ITPR2: variants seen among roughly 807,000 people sequenced by gnomAD.
The protein encoded by ITPR2 is inositol 1,4,5-trisphosphate-gated calcium channel ITPR2.
ITPR2 carries 207 observed loss-of-function variants against 317.1 expected under a neutral mutation model. The ratio of observed to expected loss-of-function variants is 0.65; its 90% CI spans 0.58 to 0.73. ITPR2 has a LOEUF of 0.73. Ranked by LOEUF, ITPR2 falls within the 30% of genes least tolerant of loss-of-function variation. The pLI, the probability that ITPR2 is intolerant of heterozygous loss-of-function variation, is 0.00. For missense variants in ITPR2, 2,613 were observed against 3,284.0 expected, an observed-to-expected ratio of 0.80 and a Z score of 4.99; for synonymous variants, 1,156 against 1,149.1, an observed-to-expected ratio of 1.01 and a Z score of -0.12.
At chr12:26,397,095 A>G (rs1315954163) in intron 54 of ITPR2, among the ~76,000 whole-genome samples, 1 of 141,140 alleles carries the variant, frequency 7.1e-6, no homozygotes, top group Non-Finnish European at 1.5e-5. Flanking sequence ...CTCTAAAGCA[A>G]AAAAAAAAAA....
At chr12:26,547,011 A>G (rs531246741) in intron 37 of ITPR2, among the ~76,000 whole-genome samples, 5 of 152,346 alleles carry the variant, frequency 3.3e-5, no homozygotes, top group Non-Finnish European at 7.4e-5. Flanking sequence ...TATGGCTAAG[A>G]TCTGAAAAGC....
chr12:26,520,653 G>C (rs1943638307), intron 37 of ITPR2, among the ~76,000 whole-genome samples: 1 of 152,132 alleles, frequency 6.6e-6, no homozygotes, highest in Admixed American at 6.6e-5. Context: ...CTATCTTTGT[G>C]ACACTTTAGT....
At chr12:26,518,744 C>A (rs1943593813) in intron 37 of ITPR2, among the ~76,000 whole-genome samples, 1 of 151,826 alleles carries the variant, frequency 6.6e-6, no homozygotes, top group South Asian at 2.1e-4. Flanking sequence ...TAAAATTTAA[C>A]AATTTTTTAA....
intron 5 of ITPR2, among the ~76,000 whole-genome samples, chr12:26,717,260 A>G (rs937687072): frequency 6.6e-6 from 1 of 152,262 alleles, no homozygotes; most frequent in Non-Finnish European, 1.5e-5. Context: ...ATGAATAAAC[A>G]GAACTTCTCC....
At chr12:26,411,056 T>C (rs2291469) in intron 52 of ITPR2, among the ~76,000 whole-genome samples, 1 of 152,248 alleles carries the variant, frequency 6.6e-6, no homozygotes, top group East Asian at 1.9e-4. Context: ...AATATGGTAA[T>C]AGAATCTTCA....
Position 26,451,365 on chromosome 12 carries a change from TCACACACACACA to T in ITPR2, c.6343-7727_6343-7716del, listed in dbSNP as rs57642539. Among the ~76,000 whole-genome samples the T allele has an allele frequency of 2.9e-3, 401 of 136,360 alleles. 2 individuals carry two copies. In the East Asian group the frequency reaches 0.031, roughly 10 times the overall value. 89.5% of individuals were successfully genotyped at this position (136,360 alleles called of 152,430 possible). On this transcript the variant is annotated intron_variant, in intron 45 of 56. Transcript: ENST00000381340. ...GATCTCAAGACAGCTTTCTCTCATA[TCACACACACACA>T]CACACACACACACACACACACACAC...
At chr12:26,567,986 A>ATATATATAT (rs1945038250) in intron 34 of ITPR2, among the ~76,000 whole-genome samples, 1 of 16,094 alleles carries the variant, frequency 6.2e-5, no homozygotes, top group East Asian at 4.6e-4. Context: ...TATTATATAT[A>ATATATATAT]TATATATATA....
intron 9 of ITPR2, among the ~76,000 whole-genome samples, chr12:26,697,346 C>CT (rs1254698676): frequency 6.6e-6 from 1 of 152,236 alleles, no homozygotes; most frequent in African/African-American, 2.4e-5. Context: ...TGATGGAACA[C>CT]TGAGTTAGAA....
At chr12:26,476,467 G>A (rs559494669) in intron 44 of ITPR2, among the ~76,000 whole-genome samples, 28 of 152,126 alleles carry the variant, frequency 1.8e-4, no homozygotes, top group Non-Finnish European at 3.5e-4. Flanking sequence ...TTTCCTTGAG[G>A]CCAAGCATTG....
At chr12:26,524,748 T>A (rs1244494074) in intron 37 of ITPR2, among the ~76,000 whole-genome samples, 1 of 152,210 alleles carries the variant, frequency 6.6e-6, no homozygotes, top group African/African-American at 2.4e-5. Flanking sequence ...TTCCATGACT[T>A]GTTTATATCT....
At chr12:26,717,698 A>G (rs1948765640) in intron 5 of ITPR2, among the ~76,000 whole-genome samples, 1 of 152,232 alleles carries the variant, frequency 6.6e-6, no homozygotes. Context: ...CTGCATAAAT[A>G]AATCTCTCCA....
intron 45 of ITPR2, among the ~76,000 whole-genome samples, chr12:26,462,253 G>A (rs181089777): frequency 1.2e-4 from 19 of 152,168 alleles, no homozygotes; most frequent in African/African-American, 3.9e-4. Flanking sequence ...TGCAACCTCC[G>A]CCTCTCAGGT....
intron 2 of ITPR2, among the ~76,000 whole-genome samples, chr12:26,760,307 T>C (rs138571229): frequency 5.3e-5 from 8 of 152,332 alleles, no homozygotes; most frequent in African/African-American, 1.9e-4. Context: ...GGAGTACCAT[T>C]CTATTTTGTG....
At chr12:26,768,482 CAAAAAAAA>C (rs55646801) in intron 2 of ITPR2, among the ~76,000 whole-genome samples, 2 of 92,914 alleles carry the variant, frequency 2.2e-5, no homozygotes, top group Non-Finnish European at 4.0e-5. Flanking sequence ...TTGTGCAACT[CAAAAAAAA>C]AAAAAGAAAA....
At chr12:26,486,614 T>C (rs78677853) in intron 40 of ITPR2, among the ~76,000 whole-genome samples, 5,919 of 152,340 alleles carry the variant, frequency 0.039, 135 homozygotes, top group Middle Eastern at 0.11. Flanking sequence ...TATATATTCA[T>C]GTATATGAGT....
At chr12:26,409,475 C>T (rs1940468400) in intron 52 of ITPR2, among the ~76,000 whole-genome samples, 1 of 152,146 alleles carries the variant, frequency 6.6e-6, no homozygotes, top group African/African-American at 2.4e-5. Context: ...CACTGCATTG[C>T]TGTCCTATGC....
Position 26,556,301 on chromosome 12 carries a change from C to A in ITPR2, c.4896G>T (p.Leu1632Phe). 2 of 1,614,032 alleles carry A rather than the reference C, an allele frequency of 1.2e-6. No homozygotes were observed. Among genetic ancestry groups the A allele is most frequent in the Non-Finnish European group, 8.5e-7 (1 of 1,179,960 alleles). Residue 1632 changes from leucine to phenylalanine, a missense_variant, in exon 36 of 57, where the codon TTG (leucine) becomes TTT (phenylalanine). This residue lies in a region of ITPR2 where 926 missense variants were observed against 1,072.8 expected (regional missense o/e 0.86). Transcript: ENST00000381340. ...CAGGGAACAGCAGTTCTGGACTGTA[C>A]AATACATCAACCAACACTGAGAATT... ...QAEFSVLVDV[L>F]YSPELLFPEG... is the part of the protein sequence containing the mutation.
Position 26,665,299 on chromosome 12 carries a change from A to G in ITPR2, c.1551+611T>C, listed in dbSNP as rs139147778. On this transcript the variant is annotated intron_variant, in intron 14 of 56. Coordinates refer to ENST00000381340, the MANE Select transcript of ITPR2 (RefSeq NM_002223.4). ...CCAAGTTCACCTGGAAATTCTACCTAGGAATTTTTCCAACATATTTTCTGG... is the reference window on the plus strand; with the variant it reads ...CCAAGTTCACCTGGAAATTCTACCTGGGAATTTTTCCAACATATTTTCTGG... 3.0e-3 allele frequency among the ~76,000 whole-genome samples: 455 copies of G among 152,308 alleles called. 2 individuals carry two copies. The highest frequency in any genetic ancestry group is 0.01 in the African/African-American group (435 of 41,570).
chr12:26,695,711 T>G, intron 9 of ITPR2, 61 bp from the exon 10 acceptor site: 1 of 1,014,744 alleles, frequency 9.9e-7, no homozygotes, highest in East Asian at 2.5e-5. Flanking sequence ...AACAAGACCA[T>G]TGATCTTCAA....
Sources: allele counts gnomAD v4.1 joint callset (sites outside exome capture counted in the v4.1 genomes callset), GRCh38; gene constraint gnomAD v4.1.1; regional missense constraint gnomAD v4.1.1; transcripts MANE v1.5; gene names NCBI Gene and HGNC (gene_info 2026-07-23, HGNC 2026-07-21).